The following DNAH3 variants were observed in gnomAD, a reference collection of about 807,000 sequenced individuals.
DNAH3 encodes the protein axonemal beta dynein heavy chain 3.
Under a neutral mutation model 432.5 loss-of-function variants are expected in DNAH3, and 332 were observed. The observed-to-expected ratio is 0.77, with a 90% CI of 0.70 to 0.84. DNAH3 has a LOEUF of 0.84. DNAH3 is among the 40% of genes least tolerant of loss of function. The pLI, the probability that DNAH3 is intolerant of heterozygous loss-of-function variation, is 0.00. For synonymous variants in DNAH3, 1,956 were observed against 1,900.2 expected, an observed-to-expected ratio of 1.03 and a Z score of -0.76; for missense variants, 4,861 against 5,114.0, an observed-to-expected ratio of 0.95 and a Z score of 1.51.
At chr16:21,083,095 C>A (rs752036300) in intron 19 of DNAH3, among the ~76,000 whole-genome samples, 12 of 151,296 alleles carry the variant, frequency 7.9e-5, no homozygotes, top group Non-Finnish European at 1.6e-4. Flanking sequence ...CGGCTCACTG[C>A]AACCTCTGTC....
At chr16:20,978,948 G>A (rs2085726107) in intron 50 of DNAH3, among the ~76,000 whole-genome samples, 1 of 151,892 alleles carries the variant, frequency 6.6e-6, no homozygotes, top group Non-Finnish European at 1.5e-5. Flanking sequence ...GCCCAGATCT[G>A]ACTCCACAAA....
At chr16:21,124,671 CAG>C (rs2092410862) in intron 9 of DNAH3, among the ~76,000 whole-genome samples, 1 of 149,854 alleles carries the variant, frequency 6.7e-6, no homozygotes, top group African/African-American at 2.5e-5. Flanking sequence ...CTTTTTGAGA[CAG>C]AGTTTCACTC....
rs78643393 is a variant in DNAH3, at chr16:21,024,727, G to C, written c.5541-26C>G. On this transcript the variant is annotated intron_variant, in intron 38 of 61. Transcript: ENST00000261383. ...CTGGGAAGCACAGAGGACCAGTTTA[G>C]GTGCTCGCTTCTTTGTTACTAATAC... 2.7e-3 allele frequency: 4,159 copies of C among 1,563,528 alleles called. 80 individuals carry two copies. The African/African-American group carries it at 0.047, about 18-fold the overall frequency.
At chr16:21,030,592 T>C (rs1228088020) in intron 37 of DNAH3, among the ~76,000 whole-genome samples, 2 of 152,192 alleles carry the variant, frequency 1.3e-5, no homozygotes, top group Non-Finnish European at 2.9e-5. Context: ...GAAATGGTTG[T>C]TTTAAGCCGT....
At chr16:20,954,997 G>T (rs760574855) in exon 55 of DNAH3, 1 of 1,614,104 alleles carries the variant, frequency 6.2e-7, no homozygotes, top group Admixed American at 1.7e-5. Context: ...TGGTCATTTT[G>T]ATTCCATTCT....
chr16:21,049,776 T>G, intron 30 of DNAH3, 94 bp from the exon 31 acceptor site: 1 of 1,371,570 alleles, frequency 7.3e-7, no homozygotes, highest in Non-Finnish European at 1.0e-6. Context: ...TCCTCTCTCC[T>G]TGCTCTGCTT....
At chr16:21,110,420 G>C (rs995222094) in intron 14 of DNAH3, among the ~76,000 whole-genome samples, 3 of 152,126 alleles carry the variant, frequency 2.0e-5, no homozygotes, top group Non-Finnish European at 4.4e-5. Flanking sequence ...TGCCTCCTCT[G>C]GATAGGAATC....
At chr16:20,978,537 A>G (rs2085703739) in intron 50 of DNAH3, among the ~76,000 whole-genome samples, 1 of 152,038 alleles carries the variant, frequency 6.6e-6, no homozygotes, top group Non-Finnish European at 1.5e-5. Flanking sequence ...GAAAGAAATA[A>G]TTATAATAAA....
At chr16:21,073,673 T>A (rs2090873785) in intron 21 of DNAH3, among the ~76,000 whole-genome samples, 1 of 152,120 alleles carries the variant, frequency 6.6e-6, no homozygotes, top group Non-Finnish European at 1.5e-5. Flanking sequence ...CCTAAGACAG[T>A]CCATAGAAAC....
chr16:21,147,126 T>A (rs139532732), intron 1 of DNAH3, among the ~76,000 whole-genome samples: 3 of 152,086 alleles, frequency 2.0e-5, no homozygotes, highest in African/African-American at 7.2e-5. Context: ...AATTTGAATA[T>A]TTTTCCCCCG....
intron 24 of DNAH3, 197 bp from the exon 25 acceptor site, chr16:21,062,880 G>A (rs1254965571): frequency 5.2e-6 from 3 of 577,420 alleles, no homozygotes; most frequent in Non-Finnish European, 9.2e-6. Flanking sequence ...AAGAGATGAG[G>A]TCTTGCCATA....
chr16:21,077,060 G>A (rs1597323454), intron 20 of DNAH3, among the ~76,000 whole-genome samples: 1 of 152,154 alleles, frequency 6.6e-6, no homozygotes, highest in Non-Finnish European at 1.5e-5. Flanking sequence ...TCCCTTAAGG[G>A]TGGGAAATGG....
chr16:21,017,289 A>G (rs542036884), intron 41 of DNAH3, among the ~76,000 whole-genome samples: 1 of 152,266 alleles, frequency 6.6e-6, no homozygotes, highest in African/African-American at 2.4e-5. Flanking sequence ...TCATCTTGTG[A>G]AAGGAGCATA....
At chr16:21,104,348 C>T (rs2152798974) in intron 16 of DNAH3, 123 bp downstream of exon 16, 1 of 802,074 alleles carries the variant, frequency 1.2e-6, no homozygotes. Flanking sequence ...CAATTGTTTT[C>T]AGACTTCGCC....
intron 44 of DNAH3, among the ~76,000 whole-genome samples, chr16:20,989,843 C>T (rs984157250): frequency 6.6e-6 from 1 of 152,252 alleles, no homozygotes; most frequent in Non-Finnish European, 1.5e-5. Flanking sequence ...TGGGCTGGCA[C>T]TGCTGGGGGA....
intron 47 of DNAH3, 33 bp downstream of exon 47, chr16:20,987,272 T>C (rs763327324): frequency 6.2e-7 from 1 of 1,611,250 alleles, no homozygotes; most frequent in Non-Finnish European, 8.5e-7. Flanking sequence ...TGGAACCATT[T>C]CTGAGGTCAA....
chr16:20,991,182 T>G (rs545721775), intron 44 of DNAH3, among the ~76,000 whole-genome samples: 1 of 152,182 alleles, frequency 6.6e-6, no homozygotes, highest in South Asian at 2.1e-4. Flanking sequence ...TTGCATTTCT[T>G]TATGATTTTT....
intron 18 of DNAH3, among the ~76,000 whole-genome samples, chr16:21,087,678 G>T (rs550636426): frequency 6.6e-6 from 1 of 152,154 alleles, no homozygotes; most frequent in Non-Finnish European, 1.5e-5. Flanking sequence ...CAGGCAGATT[G>T]TTTGAGGTCA....
chr16:20,952,447 A>G, exon 56 of DNAH3: 2 of 1,608,840 alleles, frequency 1.2e-6, no homozygotes, highest in Middle Eastern at 1.7e-4. Flanking sequence ...CAGGTAGGTC[A>G]GAGCATCAAA....
Sources: allele counts gnomAD v4.1 joint callset (sites outside exome capture counted in the v4.1 genomes callset), GRCh38; gene constraint gnomAD v4.1.1; transcripts MANE v1.5; gene names NCBI Gene and HGNC (gene_info 2026-07-23, HGNC 2026-07-21).